Variants in PNKD observed in about 807,000 individuals in gnomAD.
PNKD encodes probable thioesterase PNKD.
In PNKD, 36 loss-of-function variants were observed where a neutral mutation model predicts 45.3. That is an observed-to-expected ratio of 0.80 (90% CI 0.61 to 1.05). The LOEUF (loss-of-function observed/expected upper bound fraction) is 1.05. Among genes scored for constraint, PNKD ranks in the 50% least tolerant of loss-of-function variants. The pLI is 0.00. For missense variants in PNKD, 511 were observed against 506.6 expected, an observed-to-expected ratio of 1.01 and a Z score of -0.08; for synonymous variants, 197 against 210.1, an observed-to-expected ratio of 0.94 and a Z score of 0.54.
At chr2:218,316,036 C>T (rs1406675634) in intron 2 of PNKD, among the ~76,000 whole-genome samples, 1 of 152,214 alleles carries the variant, frequency 6.6e-6, no homozygotes, top group African/African-American at 2.4e-5. Flanking sequence ...TTTCATCTCC[C>T]TTAGACCAGC....
At chr2:218,343,866 A>G (rs1694753237) in intron 8 of PNKD, among the ~76,000 whole-genome samples, 1 of 152,264 alleles carries the variant, frequency 6.6e-6, no homozygotes, top group Non-Finnish European at 1.5e-5. Context: ...AGAGATGTCT[A>G]ATTGTTCATA....
At chr2:218,343,642 A>G in intron 8 of PNKD, 56 bp downstream of exon 8, 1 of 1,345,690 alleles carries the variant, frequency 7.4e-7, no homozygotes, top group Non-Finnish European at 1.0e-6. Flanking sequence ...GCCTGGGACA[A>G]GGGCCTTCCC....
chr2:218,334,747 A>G (rs1478544892), intron 2 of PNKD: 14 of 702,796 alleles, frequency 2.0e-5, no homozygotes, highest in Non-Finnish European at 3.4e-5. Flanking sequence ...TGATGTCTAT[A>G]TATTGTTACT....
At chr2:218,321,323 G>A (rs1182752186) in intron 2 of PNKD, among the ~76,000 whole-genome samples, 1 of 152,098 alleles carries the variant, frequency 6.6e-6, no homozygotes, top group Non-Finnish European at 1.5e-5. Flanking sequence ...ATCCTACAAG[G>A]GTCATCTGCA....
chr2:218,328,011 C>T (rs1301163100), intron 2 of PNKD: 1 of 149,228 alleles, frequency 6.7e-6, no homozygotes, highest in Non-Finnish European at 1.5e-5. Flanking sequence ...GAATGGATTA[C>T]TTCTCTGCTC....
Position 218,340,710 on chromosome 2 carries a change from ACCT to A in PNKD, c.466-13_466-11del. 1 of 1,608,318 alleles carries A rather than the reference ACCT, an allele frequency of 6.2e-7. No homozygotes were observed. ...TTGCATCCTGCTCCCCAGTCTCCAA[ACCT>A]CCTCTCTCTCGCAGGCTTCCATTGA... is the stretch of plus-strand genomic sequence containing the variant. On this transcript the variant is annotated splice_polypyrimidine_tract_variant and intron_variant, in intron 4 of 9. Coordinates refer to ENST00000273077, the MANE Select transcript of PNKD (RefSeq NM_015488.5). This position sits in a 1 kb window ranked among gnomAD's most constrained non-coding sequence, Gnocchi z 4.2.
intron 2 of PNKD, among the ~76,000 whole-genome samples, chr2:218,308,707 C>T (rs1693494859): frequency 6.6e-6 from 1 of 151,976 alleles, no homozygotes; most frequent in Non-Finnish European, 1.5e-5. Flanking sequence ...CTGCCTCAGC[C>T]ACCTGAGTAG....
At chr2:218,289,613 G>A (rs1692793908) in intron 2 of PNKD, among the ~76,000 whole-genome samples, 1 of 116,034 alleles carries the variant, frequency 8.6e-6, no homozygotes, top group Non-Finnish European at 1.7e-5. Flanking sequence ...CTGCACTCCA[G>A]CCTGGGCGAC....
At chr2:218,281,505 C>CT (rs1365395184) in intron 2 of PNKD, among the ~76,000 whole-genome samples, 1 of 152,228 alleles carries the variant, frequency 6.6e-6, no homozygotes, top group Non-Finnish European at 1.5e-5. Context: ...CTCCAAATGT[C>CT]TTTTGCAAAA....
chr2:218,323,259 GC>G, intron 2 of PNKD: 4 of 1,503,872 alleles, frequency 2.7e-6, no homozygotes, highest in Admixed American at 2.2e-5. Context: ...GCGCGTGCCT[GC>G]CCCCAGCATG....
chr2:218,307,325 T>C (rs1693443546), intron 2 of PNKD, among the ~76,000 whole-genome samples: 2 of 152,146 alleles, frequency 1.3e-5, no homozygotes, highest in African/African-American at 4.8e-5. Flanking sequence ...TTGTAATATA[T>C]AATAAAATAA....
At chr2:218,334,067 A>G (rs1050078479) in intron 2 of PNKD, among the ~76,000 whole-genome samples, 1 of 151,242 alleles carries the variant, frequency 6.6e-6, no homozygotes, top group Admixed American at 6.7e-5. Flanking sequence ...GTGAGCCGAG[A>G]TCATGCCACT....
At chr2:218,314,115 G>C (rs1693695527) in intron 2 of PNKD, among the ~76,000 whole-genome samples, 1 of 150,414 alleles carries the variant, frequency 6.6e-6, no homozygotes. Context: ...TAGAGACAGG[G>C]TTTCTCCATG....
rs1694798049 is a variant in PNKD at position 218,345,160 on chromosome 2, AG to A, written c.*184del. On this transcript the variant is annotated 3_prime_UTR_variant, in exon 10 of 10. Coordinates refer to ENST00000273077, the MANE Select transcript of PNKD (RefSeq NM_015488.5). ...GCGATGAGACTGTGAGGCCAAAAGAAGGGGGCCTGTTGGAGGCTGGGAACCC... is the reference window on the plus strand; with the variant it reads ...GCGATGAGACTGTGAGGCCAAAAGAAGGGGCCTGTTGGAGGCTGGGAACCC... 4.9e-6 allele frequency: 3 copies of A among 609,128 alleles called. No individual in the cohort carries two copies. Among genetic ancestry groups the A allele is most frequent in the Non-Finnish European group, 8.6e-6 (3 of 347,388 alleles). The allele number at this position is 609,128 out of a possible 1,614,324, so 37.7% of individuals were successfully genotyped here.
rs556834397 is a variant in PNKD at position 218,280,079 on chromosome 2, A to G, written c.236+8530A>G. 3 of 1,614,126 alleles carry G rather than the reference A, an allele frequency of 1.9e-6. No homozygotes were observed. In the Admixed American group the frequency reaches 5.0e-5, roughly 27 times the overall value. ...CGGTCATCCCACTCTCCAGGCCCGA[A>G]GCTATCACTCACTGCTCTCTCCTCC... On this transcript the variant is annotated intron_variant, in intron 2 of 9. Coordinates refer to ENST00000273077, the MANE Select transcript of PNKD (RefSeq NM_015488.5).
Position 218,340,875 on chromosome 2 carries a change from C to T in PNKD, c.524+89C>T. 5.3e-6 allele frequency: 6 copies of T among 1,122,596 alleles called. No individual in the cohort carries two copies. Among genetic ancestry groups the T allele is most frequent in the Non-Finnish European group, 8.2e-6 (6 of 732,746 alleles). 69.5% of individuals were successfully genotyped at this position (1,122,596 alleles called of 1,614,324 possible). On this transcript the variant is annotated intron_variant, in intron 5 of 9. Coordinates refer to ENST00000273077, the MANE Select transcript of PNKD (RefSeq NM_015488.5). This position sits in a 1 kb window ranked among gnomAD's most constrained non-coding sequence, Gnocchi z 4.2. ...ATTGAGGACGGCCGGGGCCAGAGAT[C>T]AAGAAGTCAGTACGGGCCGGCACCC... is the stretch of plus-strand genomic sequence containing the variant.
intron 2 of PNKD, chr2:218,323,458 G>A (rs1371263673): frequency 5.3e-6 from 8 of 1,513,952 alleles, no homozygotes; most frequent in Admixed American, 4.1e-5. Flanking sequence ...CGAAGCGTGC[G>A]GGCTCGGGAG....
At chr2:218,309,932 TAA>T (rs1274963860) in intron 2 of PNKD, among the ~76,000 whole-genome samples, 14 of 135,276 alleles carry the variant, frequency 1.0e-4, no homozygotes, top group Admixed American at 7.5e-5. Context: ...AGATTACGTC[TAA>T]AAAAAAAAAA....
chr2:218,296,747 C>T lies in PNKD; in HGVS notation c.236+25198C>T, dbSNP rs564134862. Among the ~76,000 whole-genome samples, 34 of 152,188 alleles carry T rather than the reference C, an allele frequency of 2.2e-4. No homozygotes were observed. In the South Asian group the frequency reaches 6.6e-3, roughly 30 times the overall value. On this transcript the variant is annotated intron_variant, in intron 2 of 9. Transcript: ENST00000273077. ...CGGCTGGGGTGCAGTAGCATGATCT[C>T]GGCTCCCTGCAACCTCCGCCTCCTG...
Sources: allele counts gnomAD v4.1 joint callset (sites outside exome capture counted in the v4.1 genomes callset), GRCh38; gene constraint gnomAD v4.1.1; non-coding constraint Gnocchi (gnomAD v3.1); transcripts MANE v1.5; gene names NCBI Gene and HGNC (gene_info 2026-07-23, HGNC 2026-07-21).